ZNF334: variants seen among roughly 807,000 people sequenced by gnomAD.
The protein encoded by ZNF334 is zinc finger protein 334.
In ZNF334, 14 loss-of-function variants were observed where a neutral mutation model predicts 12.4. That is an observed-to-expected ratio of 1.13 (90% CI 0.74 to 1.76). The LOEUF (loss-of-function observed/expected upper bound fraction) is 1.76, where lower values mean the gene tolerates loss of function less well. Among genes scored for constraint, ZNF334 ranks in the 40% most tolerant of loss-of-function variants. The pLI, the probability that ZNF334 is intolerant of heterozygous loss-of-function variation, is 0.00. For missense variants in ZNF334, 797 were observed against 804.5 expected, an observed-to-expected ratio of 0.99 and a Z score of 0.11; for synonymous variants, 273 against 269.6, an observed-to-expected ratio of 1.01 and a Z score of -0.12.
chr20:46,507,636 T>C (rs1488387254), intron 2 of ZNF334, among the ~76,000 whole-genome samples: 1 of 152,220 alleles, frequency 6.6e-6, no homozygotes, highest in Non-Finnish European at 1.5e-5. Context: ...CCTCCACCTC[T>C]GCAGACACCT....
At chr20:46,498,221 A>G (rs974093092), downstream of ZNF334, among the ~76,000 whole-genome samples, 1 of 152,158 alleles carries the variant, frequency 6.6e-6, no homozygotes, top group Non-Finnish European at 1.5e-5. Flanking sequence ...ACCTCCTGGT[A>G]CTCAGGCTCC....
chr20:46,509,494 GGGGTCAGCACGT>G (rs1481244420), intron 2 of ZNF334: 2 of 685,436 alleles, frequency 2.9e-6, no homozygotes, highest in Non-Finnish European at 2.7e-6. Context: ...GCAGGAGCAT[GGGGTCAGCACGT>G]GGGTCAGCAC....
At chr20:46,504,829 C>A in intron 2 of ZNF334, 89 bp from the exon 3 acceptor site, 1 of 1,210,140 alleles carries the variant, frequency 8.3e-7, no homozygotes, top group Non-Finnish European at 1.2e-6. Context: ...ACTGCCATGG[C>A]TAATGGAAAG....
At chr20:46,489,512 A>T in the ZNF334 span, among the ~76,000 whole-genome samples, 1 of 152,060 alleles carries the variant, frequency 6.6e-6, no homozygotes, top group Non-Finnish European at 1.5e-5. Flanking sequence ...TACTAAAAAT[A>T]CAAAAATTAG....
intron 2 of ZNF334, chr20:46,505,552 A>G (rs2061400361): frequency 6.5e-6 from 1 of 153,798 alleles, no homozygotes; most frequent in East Asian, 1.9e-4. Flanking sequence ...ATGGAAATCC[A>G]TAAAGAGTTA....
intron 2 of ZNF334, among the ~76,000 whole-genome samples, chr20:46,508,579 C>A (rs1224815044): frequency 2.6e-5 from 4 of 152,208 alleles, no homozygotes; most frequent in African/African-American, 9.6e-5. Context: ...TGCAGACCAC[C>A]ATCGTTCTTC....
At chr20:46,505,053 G>A (rs956216026) in intron 2 of ZNF334, 2 of 216,726 alleles carry the variant, frequency 9.2e-6, no homozygotes, top group Admixed American at 5.7e-5. Context: ...TCTTTAAAGA[G>A]CAATGCTGGA....
intron 4 of ZNF334, 37 bp from the exon 5 acceptor site, chr20:46,503,134 C>A: frequency 6.5e-7 from 1 of 1,529,868 alleles, no homozygotes; most frequent in South Asian, 1.3e-5. Flanking sequence ...AATTGGTGAG[C>A]CTTTATATGT....
the ZNF334 span, among the ~76,000 whole-genome samples, chr20:46,479,222 C>T: frequency 6.6e-6 from 1 of 152,134 alleles, no homozygotes; most frequent in African/African-American, 2.4e-5. Context: ...AGGCTCCTAC[C>T]TGTCTTTTAT....
At chr20:46,487,772 T>A in the ZNF334 span, among the ~76,000 whole-genome samples, 1 of 152,238 alleles carries the variant, frequency 6.6e-6, no homozygotes, top group Admixed American at 6.5e-5. Flanking sequence ...AACGTCTACT[T>A]TCTAACCAAT....
At chr20:46,507,042 A>T (rs904249213) in intron 2 of ZNF334, among the ~76,000 whole-genome samples, 1 of 151,848 alleles carries the variant, frequency 6.6e-6, no homozygotes, top group East Asian at 1.9e-4. Context: ...TGAGCTGAGG[A>T]GGTCAAGACT....
chr20:46,468,258 C>T, the ZNF334 span, among the ~76,000 whole-genome samples: 5 of 151,166 alleles, frequency 3.3e-5, no homozygotes, highest in Admixed American at 6.6e-5. Context: ...GGGACACTTC[C>T]GCAGTTGTGT....
At position 46,504,314 on chromosome 20, in the gene ZNF334, T is replaced by C. The variant is rs2061355893; in HGVS notation, c.149-8A>G. On this transcript the variant is annotated splice_region_variant and splice_polypyrimidine_tract_variant and intron_variant, in intron 3 of 4. Transcript: ENST00000692313. ...GTTTGCTAACATGATACCCTGTTAATGGGAAATTACAGAACTTGGACCAAG... is the reference window on the plus strand; with the variant it reads ...GTTTGCTAACATGATACCCTGTTAACGGGAAATTACAGAACTTGGACCAAG... 1 of 1,611,828 alleles carries C rather than the reference T, an allele frequency of 6.2e-7. No individual in the cohort carries two copies.
chr20:46,478,499 G>C, the ZNF334 span, among the ~76,000 whole-genome samples: 5 of 152,204 alleles, frequency 3.3e-5, no homozygotes, highest in Non-Finnish European at 5.9e-5. Flanking sequence ...AAAGTCTCCA[G>C]GTAGCTGGCT....
the ZNF334 span, among the ~76,000 whole-genome samples, chr20:46,475,564 A>G: frequency 1.3e-5 from 2 of 151,956 alleles, no homozygotes; most frequent in Non-Finnish European, 2.9e-5. Flanking sequence ...AGACCTCTCG[A>G]AACTCAACAG....
chr20:46,479,673 C>T, the ZNF334 span, among the ~76,000 whole-genome samples: 1 of 152,280 alleles, frequency 6.6e-6, no homozygotes, highest in African/African-American at 2.4e-5. Flanking sequence ...GGGGAAAATT[C>T]TACATCTGTA....
chr20:46,465,782 G>A, the ZNF334 span, among the ~76,000 whole-genome samples: 79 of 151,990 alleles, frequency 5.2e-4, 1 homozygote, highest in African/African-American at 1.8e-3. Flanking sequence ...GTGAAACCCC[G>A]TCTCCACTAA....
At chr20:46,495,284 C>T (rs2061003052), downstream of ZNF334, among the ~76,000 whole-genome samples, 2 of 151,240 alleles carry the variant, frequency 1.3e-5, no homozygotes, top group African/African-American at 2.4e-5. Context: ...GTTTTAACTG[C>T]CGGTGCTCAT....
At chr20:46,479,136 C>T in the ZNF334 span, among the ~76,000 whole-genome samples, 1 of 152,178 alleles carries the variant, frequency 6.6e-6, no homozygotes, top group African/African-American at 2.4e-5. Flanking sequence ...GGGCTAAAAT[C>T]AAGGTGCTGG....
Sources: gnomAD v4.1 joint callset for allele counts (sites outside exome capture counted in the v4.1 genomes callset) on GRCh38, gnomAD v4.1.1 for gene constraint, MANE v1.5 for transcripts, NCBI Gene and HGNC (gene_info 2026-07-23, HGNC 2026-07-21) for gene names.